ERP44: variants seen among roughly 807,000 people sequenced by gnomAD.
ERP44 encodes the protein endoplasmic reticulum protein 44, also known as endoplasmic reticulum resident protein 44.
Under a neutral mutation model 53.4 loss-of-function variants are expected in ERP44, and 25 were observed. The observed-to-expected ratio is 0.47, with a 90% confidence interval of 0.34 to 0.65. The LOEUF is 0.65. Among genes scored for constraint, ERP44 ranks in the 30% least tolerant of loss-of-function variants. The pLI, the probability that ERP44 is intolerant of heterozygous loss-of-function variation, is 0.01. For synonymous variants in ERP44, 145 were observed against 161.2 expected, an observed-to-expected ratio of 0.90 and a Z score of 0.76; for missense variants, 338 against 493.2, an observed-to-expected ratio of 0.69 and a Z score of 2.98.
chr9:100,072,680 G>A (rs534611837), intron 1 of ERP44, among the ~76,000 whole-genome samples: 8 of 152,202 alleles, frequency 5.3e-5, no homozygotes, highest in African/African-American at 1.9e-4. Context: ...GCGCCACCAC[G>A]TCTGGCTAAT....
intron 3 of ERP44, among the ~76,000 whole-genome samples, chr9:100,054,595 G>A (rs1180837585): frequency 6.6e-6 from 1 of 152,122 alleles, no homozygotes; most frequent in South Asian, 2.1e-4. Flanking sequence ...TTTGAGCACT[G>A]ACAAGATGCT....
chr9:100,022,274 A>G, intron 4 of ERP44, 48 bp from the exon 5 acceptor site: 3 of 1,473,006 alleles, frequency 2.0e-6, no homozygotes, highest in Non-Finnish European at 2.7e-6. Flanking sequence ...AGTCAGGGCA[A>G]GCCTGTTTGC....
intron 1 of ERP44, among the ~76,000 whole-genome samples, chr9:100,074,991 G>T (rs555533294): frequency 1.3e-5 from 2 of 152,304 alleles, no homozygotes; most frequent in South Asian, 4.1e-4. Flanking sequence ...GGGTGAGGGC[G>T]ATGATGGTGG....
In ERP44 at chr9:100,088,718, A is replaced by C. The variant is rs564523217; in HGVS notation, c.57+10066T>G. ...ACATAATACCAGTATTATTCCTCAGAAGTTAATAGGAAAATAGAGATGTTA... is the reference window on the plus strand; with the variant it reads ...ACATAATACCAGTATTATTCCTCAGCAGTTAATAGGAAAATAGAGATGTTA... On this transcript the variant is annotated intron_variant, in intron 1 of 11. Transcript: ENST00000262455. Among the ~76,000 whole-genome samples the C allele has an allele frequency of 5.6e-4, 85 of 152,332 alleles. 1 individual carries two copies. The South Asian group carries it at 0.013, about 23-fold the overall frequency.
chr9:100,001,134 T>G (rs939458495), intron 10 of ERP44, among the ~76,000 whole-genome samples: 1 of 152,216 alleles, frequency 6.6e-6, no homozygotes, highest in Non-Finnish European at 1.5e-5. Flanking sequence ...GTTTGATTTC[T>G]AGGTATTTGT....
chr9:100,028,655 T>C (rs557235495), intron 4 of ERP44, among the ~76,000 whole-genome samples: 1 of 152,332 alleles, frequency 6.6e-6, no homozygotes, highest in African/African-American at 2.4e-5. Flanking sequence ...AGCAGAGATA[T>C]ATTTCAATTC....
chr9:100,094,721 C>A (rs1034785840), intron 1 of ERP44, among the ~76,000 whole-genome samples: 1 of 151,708 alleles, frequency 6.6e-6, no homozygotes, highest in African/African-American at 2.4e-5. Flanking sequence ...ATAATCCTAA[C>A]ACTTTGGAAG....
chr9:100,060,173 C>A lies in ERP44; in HGVS notation c.58-1G>T. On this transcript the variant is annotated splice_acceptor_variant, in intron 1 of 11. Transcript: ENST00000262455. LOFTEE classifies it high-confidence loss of function. ...TTACAGGAGTAAAAACCCAAGTTACCTGAAAATTTAAAAAATGAGAAATTA... is the reference window on the plus strand; with the variant it reads ...TTACAGGAGTAAAAACCCAAGTTACATGAAAATTTAAAAAATGAGAAATTA... 1 of 1,493,192 alleles carries A rather than the reference C, an allele frequency of 6.7e-7. No individual in the cohort carries two copies. The highest frequency in any genetic ancestry group is 8.9e-7 in the Non-Finnish European group (1 of 1,123,478). 92.5% of individuals were successfully genotyped at this position (1,493,192 alleles called of 1,614,324 possible).
At chr9:100,018,549 G>T (rs1830550622) in intron 6 of ERP44, among the ~76,000 whole-genome samples, 3 of 152,044 alleles carry the variant, frequency 2.0e-5, no homozygotes, top group African/African-American at 7.2e-5. Context: ...GCACTAAAAG[G>T]TTGTTTTTGA....
chr9:100,085,132 T>C (rs796642880), intron 1 of ERP44, among the ~76,000 whole-genome samples: 2 of 152,280 alleles, frequency 1.3e-5, no homozygotes, highest in African/African-American at 4.8e-5. Context: ...ACTTTTTTAT[T>C]CAAGACAATA....
At position 99,979,998 on chromosome 9, in the gene ERP44, G is replaced by C; in HGVS notation, c.*2614C>G. The C allele has an allele frequency of 2.5e-6, 1 of 398,438 alleles. No homozygotes were observed. The highest frequency in any genetic ancestry group is 4.4e-6 in the Non-Finnish European group (1 of 226,032). 24.7% of individuals were successfully genotyped at this position (398,438 alleles called of 1,614,324 possible). A position where few individuals can be genotyped will look rare whatever the true frequency, so the allele number is the denominator to read the frequency against. On this transcript the variant is annotated 3_prime_UTR_variant, in exon 12 of 12. Transcript: ENST00000262455. ...TTTTCTAGCTTCCCCAACCCCAAAT[G>C]CCTTACTAAAAGAACTTTTTTCTCT...
At chr9:100,051,125 G>C in intron 4 of ERP44, among the ~76,000 whole-genome samples, 1 of 152,196 alleles carries the variant, frequency 6.6e-6, no homozygotes, top group East Asian at 1.9e-4. Flanking sequence ...ACCCTATCTA[G>C]TTATGAATTT....
chr9:100,060,863 T>C (rs984723010), intron 1 of ERP44, among the ~76,000 whole-genome samples: 4 of 152,248 alleles, frequency 2.6e-5, no homozygotes, highest in African/African-American at 4.8e-5. Flanking sequence ...TATTTTATTT[T>C]TAGTTTCCAA....
intron 1 of ERP44, among the ~76,000 whole-genome samples, chr9:100,073,250 A>G (rs1219521369): frequency 6.6e-6 from 1 of 152,270 alleles, no homozygotes; most frequent in African/African-American, 2.4e-5. Context: ...GAATTTTAAA[A>G]GTAATGCATG....
intron 1 of ERP44, among the ~76,000 whole-genome samples, chr9:100,073,866 TAA>T (rs1826330741): frequency 6.6e-6 from 1 of 152,134 alleles, no homozygotes; most frequent in Non-Finnish European, 1.5e-5. Context: ...GAAACACAAA[TAA>T]AAGTTTCTCA....
At chr9:100,007,096 A>C (rs1306392089) in intron 9 of ERP44, among the ~76,000 whole-genome samples, 1 of 152,218 alleles carries the variant, frequency 6.6e-6, no homozygotes, top group African/African-American at 2.4e-5. Flanking sequence ...GAGTACCTTT[A>C]GTTTATTTTG....
chr9:100,032,053 G>A (rs917740653), intron 4 of ERP44, among the ~76,000 whole-genome samples: 18 of 152,270 alleles, frequency 1.2e-4, no homozygotes, highest in Admixed American at 3.3e-4. Flanking sequence ...CCCCTAGAAG[G>A]TATGAAAATG....
In ERP44 at chr9:100,011,015, A is replaced by G. The variant is rs141162573; in HGVS notation, c.763-3326T>C. 4.6e-5 allele frequency among the ~76,000 whole-genome samples: 7 copies of G among 152,320 alleles called. No homozygotes were observed. In the East Asian group the frequency reaches 1.3e-3, roughly 29 times the overall value. ...CTCTTTCAAAACCAAGTTTAAGATC[A>G]AAATGGAAAAGACTAACAATTCAAA... On this transcript the variant is annotated intron_variant, in intron 8 of 11. Transcript: ENST00000262455.
chr9:99,997,800 C>T (rs1251857526), intron 10 of ERP44, among the ~76,000 whole-genome samples: 3 of 152,112 alleles, frequency 2.0e-5, no homozygotes, highest in Admixed American at 1.3e-4. Flanking sequence ...GACTAAAACA[C>T]AGCACACTTT....
Sources: gnomAD v4.1 joint callset for allele counts (sites outside exome capture counted in the v4.1 genomes callset) on GRCh38, gnomAD v4.1.1 for gene constraint, MANE v1.5 for transcripts, NCBI Gene and HGNC (gene_info 2026-07-23, HGNC 2026-07-21) for gene names.